The following AP1B1 variants were observed in gnomAD, a reference collection of about 807,000 sequenced individuals.
AP1B1 encodes the protein adaptor related protein complex 1 subunit beta 1.
AP1B1 carries 36 observed loss-of-function variants against 104.3 expected under a neutral mutation model. That is an observed-to-expected ratio of 0.35 (90% CI 0.26 to 0.46). AP1B1 has a LOEUF of 0.46. Ranked by LOEUF, AP1B1 falls within the 20% of genes least tolerant of loss-of-function variation. AP1B1 has a pLI of 1.00. For synonymous variants in AP1B1, 504 were observed against 517.5 expected, an observed-to-expected ratio of 0.97 and a Z score of 0.35; for missense variants, 901 against 1,247.9, an observed-to-expected ratio of 0.72 and a Z score of 4.19.
At chr22:29,339,958 ACTAC>A (rs1232083072) in intron 14 of AP1B1, among the ~76,000 whole-genome samples, 184 bp from the exon 15 acceptor site, 1 of 151,780 alleles carries the variant, frequency 6.6e-6, no homozygotes, top group Non-Finnish European at 1.5e-5. Flanking sequence ...TATGAAAGGC[ACTAC>A]CCCACACCTT....
intron 16 of AP1B1, among the ~76,000 whole-genome samples, chr22:29,337,896 A>G (rs1348642383): frequency 6.6e-6 from 1 of 152,204 alleles, no homozygotes; most frequent in Non-Finnish European, 1.5e-5. Flanking sequence ...CTGCAGACGC[A>G]GCCATCTTTC....
intron 1 of AP1B1, among the ~76,000 whole-genome samples, chr22:29,386,007 C>A (rs552871151): frequency 6.6e-6 from 1 of 152,180 alleles, no homozygotes; most frequent in African/African-American, 2.4e-5. Context: ...AAAAGTCCTG[C>A]GTACATTAAG....
intron 12 of AP1B1, 84 bp downstream of exon 12, chr22:29,342,201 C>A: frequency 8.6e-7 from 1 of 1,168,900 alleles, no homozygotes. Context: ...GCGGGCCTGG[C>A]TTCCAGGTCT....
chr22:29,379,362 AAAGT>A (rs912243884), intron 1 of AP1B1, among the ~76,000 whole-genome samples: 3 of 152,230 alleles, frequency 2.0e-5, no homozygotes, highest in African/African-American at 2.4e-5. Flanking sequence ...ACTTGAAAAT[AAAGT>A]AAGTAAGGCT....
intron 1 of AP1B1, among the ~76,000 whole-genome samples, chr22:29,376,615 C>A (rs1367529902): frequency 6.6e-6 from 1 of 151,866 alleles, no homozygotes; most frequent in Non-Finnish European, 1.5e-5. Flanking sequence ...CTCCATAGAA[C>A]CTGTTAGCTC....
intron 17 of AP1B1, among the ~76,000 whole-genome samples, chr22:29,332,571 G>T (rs1472528947): frequency 6.6e-6 from 1 of 152,206 alleles, no homozygotes; most frequent in African/African-American, 2.4e-5. Context: ...CGGTATACCT[G>T]GGCTGCGGAT....
intron 17 of AP1B1, among the ~76,000 whole-genome samples, chr22:29,332,962 C>T (rs2061583801): frequency 6.6e-6 from 1 of 152,256 alleles, no homozygotes; most frequent in Non-Finnish European, 1.5e-5. Flanking sequence ...TGAGACAATA[C>T]TCCCAAAGCC....
chr22:29,350,525 T>C (rs73884717), intron 9 of AP1B1, among the ~76,000 whole-genome samples: 1 of 152,200 alleles, frequency 6.6e-6, no homozygotes, highest in Non-Finnish European at 1.5e-5. Context: ...ACAGAACCTC[T>C]GACTGCTTCT....
chr22:29,383,626 G>A (rs1044844975), intron 1 of AP1B1, among the ~76,000 whole-genome samples: 8 of 149,532 alleles, frequency 5.4e-5, no homozygotes, highest in Non-Finnish European at 7.4e-5. Context: ...GGAGAATGGC[G>A]TGAACCTGGG....
rs1469855451 is a variant in AP1B1, at chr22:29,334,262, C to T, written c.2309+3G>A. The stretch of plus-strand genomic sequence containing the variant: ...AGGTGCGCTGGCCTCAGGGAGCTCT[C>T]ACCTGTTGCGGTTGAACTGGATGGC... On this transcript the variant is annotated splice_donor_region_variant and intron_variant, in intron 17 of 22. Coordinates refer to ENST00000357586, the MANE Select transcript of AP1B1 (RefSeq NM_001127.4). The T allele has an allele frequency of 1.3e-5, 21 of 1,593,948 alleles. No homozygotes were observed. Among genetic ancestry groups the T allele is most frequent in the Non-Finnish European group, 1.7e-5 (20 of 1,171,534 alleles).
At chr22:29,346,910 G>A (rs2061802397) in intron 11 of AP1B1, among the ~76,000 whole-genome samples, 1 of 152,176 alleles carries the variant, frequency 6.6e-6, no homozygotes, top group Non-Finnish European at 1.5e-5. Context: ...TTCCTTCAGA[G>A]CCTCGCCCTT....
intron 22 of AP1B1, 116 bp downstream of exon 22, chr22:29,329,596 C>A (rs1394195178): frequency 6.4e-7 from 1 of 1,553,344 alleles, no homozygotes; most frequent in Non-Finnish European, 8.7e-7. Context: ...TGAAGCCCCC[C>A]GGGTGAGGTG....
chr22:29,351,944 G>A lies in AP1B1; in HGVS notation c.939-119C>T, dbSNP rs2061882104. On this transcript the variant is annotated intron_variant, in intron 7 of 22. Coordinates refer to ENST00000357586, the MANE Select transcript of AP1B1 (RefSeq NM_001127.4). ...TGAGGTGGAGCCTGATGTCTGTGAA[G>A]GCAGAGTCACTGCCATGGCTGCAAG... is the stretch of plus-strand genomic sequence containing the variant. 1.6e-5 allele frequency: 22 copies of A among 1,356,538 alleles called. No individual in the cohort carries two copies. The South Asian group carries it at 2.9e-4, about 18-fold the overall frequency. 84.0% of individuals were successfully genotyped at this position (1,356,538 alleles called of 1,614,324 possible).
intron 3 of AP1B1, among the ~76,000 whole-genome samples, chr22:29,362,350 T>C (rs1236962597): frequency 6.6e-6 from 1 of 151,884 alleles, no homozygotes; most frequent in Non-Finnish European, 1.5e-5. Flanking sequence ...TTCCCATTCT[T>C]CTTTTTTTTT....
intron 16 of AP1B1, among the ~76,000 whole-genome samples, chr22:29,335,886 G>T (rs758542491): frequency 6.6e-6 from 1 of 152,152 alleles, no homozygotes; most frequent in Non-Finnish European, 1.5e-5. Context: ...GTGCCACGGC[G>T]GCTGAGAGAG....
intron 1 of AP1B1, among the ~76,000 whole-genome samples, chr22:29,370,082 C>T (rs2148028855): frequency 6.6e-6 from 1 of 151,944 alleles, no homozygotes; most frequent in East Asian, 1.9e-4. Flanking sequence ...TAACTGAAGA[C>T]AAAAGGGGCT....
At chr22:29,350,562 C>T (rs974669205) in intron 9 of AP1B1, among the ~76,000 whole-genome samples, 1 of 152,204 alleles carries the variant, frequency 6.6e-6, no homozygotes, top group African/African-American at 2.4e-5. Context: ...ACTGCTCTCA[C>T]GGCCTGCTCT....
chr22:29,329,427 A>G, intron 22 of AP1B1: 7 of 1,328,414 alleles, frequency 5.3e-6, no homozygotes, highest in Non-Finnish European at 6.7e-6. Context: ...CATCCACTCT[A>G]AAGCACTGGT....
chr22:29,337,284 A>G (rs2061652174), intron 16 of AP1B1, among the ~76,000 whole-genome samples: 1 of 152,168 alleles, frequency 6.6e-6, no homozygotes, highest in South Asian at 2.1e-4. Flanking sequence ...AAGAGCCACA[A>G]AGGGCTGCTG....
Sources: allele counts gnomAD v4.1 joint callset (sites outside exome capture counted in the v4.1 genomes callset), GRCh38; gene constraint gnomAD v4.1.1; transcripts MANE v1.5; gene names NCBI Gene and HGNC (gene_info 2026-07-23, HGNC 2026-07-21).